ELMO1: variants seen among roughly 807,000 people sequenced by gnomAD.
ELMO1 encodes the protein engulfment and cell motility protein 1.
In ELMO1, 26 loss-of-function variants were observed where a neutral mutation model predicts 98.9. The observed-to-expected ratio is 0.26, with a 90% CI of 0.19 to 0.36. The LOEUF (loss-of-function observed/expected upper bound fraction) is 0.36, where lower values mean the gene tolerates loss of function less well. ELMO1 is among the 10% of genes least tolerant of loss of function. ELMO1 has a pLI of 1.00. For missense variants in ELMO1, 627 were observed against 935.2 expected (o/e 0.67, Z 4.30); for synonymous variants, 346 against 346.0 (o/e 1.00, Z 0.00).
In ELMO1 at chr7:37,050,032, A is replaced by G. The variant is rs1222020973; in HGVS notation, c.1301-36597T>C. ...CGACCTCAGGTGATCTGCCCACTTC[A>G]GCCTCTGAAAGTGCTGGGATTACAG... On this transcript the variant is annotated intron_variant, in intron 15 of 21. Transcript: ENST00000310758. 2.0e-5 allele frequency among the ~76,000 whole-genome samples: 3 copies of G among 152,074 alleles called. No individual in the cohort carries two copies. In the East Asian group the frequency reaches 5.8e-4, roughly 30 times the overall value.
At chr7:37,033,403 G>T (rs575167830) in intron 15 of ELMO1, 1 of 455,400 alleles carries the variant, frequency 2.2e-6, no homozygotes, top group South Asian at 1.6e-5. Flanking sequence ...TTTTTCAGGA[G>T]ATAAGTGATC....
intron 4 of ELMO1, among the ~76,000 whole-genome samples, chr7:37,285,878 A>C (rs750331343): frequency 1.2e-4 from 19 of 152,008 alleles, no homozygotes; most frequent in Non-Finnish European, 2.2e-4. Context: ...AGCCCTTCCC[A>C]CTGCCAGCAG....
intron 16 of ELMO1, among the ~76,000 whole-genome samples, chr7:36,945,466 T>G (rs1475339852): frequency 6.6e-6 from 1 of 152,098 alleles, no homozygotes; most frequent in Non-Finnish European, 1.5e-5. Flanking sequence ...TGACGGGCAT[T>G]TAACTTAGCA....
intron 15 of ELMO1, among the ~76,000 whole-genome samples, chr7:37,061,997 G>A (rs952344910): frequency 6.6e-6 from 1 of 152,280 alleles, no homozygotes. Flanking sequence ...TTCATCCTAT[G>A]AGAAGTGTTC....
chr7:37,123,999 A>T (rs986508247), intron 14 of ELMO1, among the ~76,000 whole-genome samples: 36 of 152,176 alleles, frequency 2.4e-4, no homozygotes, highest in African/African-American at 8.7e-4. Context: ...AAATCCATAA[A>T]CATAATCCAG....
chr7:36,936,437 C>CA (rs1366313368), intron 16 of ELMO1, among the ~76,000 whole-genome samples: 1 of 152,160 alleles, frequency 6.6e-6, no homozygotes, highest in Non-Finnish European at 1.5e-5. Flanking sequence ...AAAGAGCCAA[C>CA]ACATTTTCTT....
At chr7:37,196,407 C>T (rs924946242) in intron 13 of ELMO1, among the ~76,000 whole-genome samples, 2 of 152,160 alleles carry the variant, frequency 1.3e-5, no homozygotes, top group African/African-American at 4.8e-5. Flanking sequence ...AGAAACGTGG[C>T]CTTGCTCCTG....
intron 13 of ELMO1, among the ~76,000 whole-genome samples, chr7:37,207,779 T>C (rs2130385845): frequency 6.6e-6 from 1 of 151,702 alleles, no homozygotes; most frequent in African/African-American, 2.4e-5. Flanking sequence ...CCGTCTCTAC[T>C]AAAAATACAA....
chr7:37,070,054 C>T (rs1797189111), intron 15 of ELMO1, among the ~76,000 whole-genome samples: 1 of 152,118 alleles, frequency 6.6e-6, no homozygotes, highest in South Asian at 2.1e-4. Context: ...TAAGCTGGCT[C>T]CCATCTGGCT....
At position 37,000,938 on chromosome 7, in the gene ELMO1, T is replaced by C. The variant is rs530077535; in HGVS notation, c.1437+12361A>G. On this transcript the variant is annotated intron_variant, in intron 16 of 21. Transcript: ENST00000310758. ...ATACATATATATATGTATATGTGTA[T>C]ACACACACACACACACACACACACA... is the stretch of plus-strand genomic sequence containing the variant. Among the ~76,000 whole-genome samples the C allele has an allele frequency of 4.1e-3, 603 of 147,498 alleles. 4 individuals are homozygous for C. The highest frequency in any genetic ancestry group is 7.2e-3 in the African/African-American group (290 of 40,108).
chr7:36,947,327 T>A (rs930760333), intron 16 of ELMO1, among the ~76,000 whole-genome samples: 2 of 152,228 alleles, frequency 1.3e-5, no homozygotes, highest in African/African-American at 2.4e-5. Context: ...ACTGAGCTCA[T>A]CTCTCCCATA....
At chr7:36,907,812 AC>A (rs1207963935) in intron 16 of ELMO1, among the ~76,000 whole-genome samples, 1 of 152,106 alleles carries the variant, frequency 6.6e-6, no homozygotes, top group Non-Finnish European at 1.5e-5. Flanking sequence ...CTATCACGGC[AC>A]TTCTTTTTTC....
At chr7:37,211,161 T>A (rs1792945911) in intron 13 of ELMO1, 2 of 550,348 alleles carry the variant, frequency 3.6e-6, no homozygotes, top group Non-Finnish European at 6.3e-6. Flanking sequence ...CAGAACTGAA[T>A]AAACAAATGC....
intron 15 of ELMO1, among the ~76,000 whole-genome samples, chr7:37,053,899 G>T (rs1796255288): frequency 6.6e-6 from 1 of 151,950 alleles, no homozygotes; most frequent in Non-Finnish European, 1.5e-5. Flanking sequence ...CTTGATATTT[G>T]TCCCATGGTT....
chr7:36,967,994 A>G (rs1199778011), intron 16 of ELMO1, among the ~76,000 whole-genome samples: 1 of 152,262 alleles, frequency 6.6e-6, no homozygotes, highest in African/African-American at 2.4e-5. Flanking sequence ...ATCTAATTAT[A>G]GAAATATTAC....
intron 16 of ELMO1, among the ~76,000 whole-genome samples, chr7:36,968,578 C>T (rs2129129734): frequency 6.6e-6 from 1 of 152,250 alleles, no homozygotes; most frequent in South Asian, 2.1e-4. Context: ...ATATTTTAAT[C>T]AGCTCTATGT....
At chr7:37,053,944 T>C (rs532488966) in intron 15 of ELMO1, among the ~76,000 whole-genome samples, 57 of 152,326 alleles carry the variant, frequency 3.7e-4, no homozygotes, top group African/African-American at 1.3e-3. Flanking sequence ...TCTTTAATTA[T>C]GAAATAAATA....
chr7:37,178,006 T>C (rs77244354), intron 13 of ELMO1, among the ~76,000 whole-genome samples: 4 of 151,648 alleles, frequency 2.6e-5, no homozygotes, highest in African/African-American at 9.7e-5. Flanking sequence ...TGGTTAATTG[T>C]ACATGTCAAC....
chr7:37,224,636 T>C (rs11978644), intron 9 of ELMO1, among the ~76,000 whole-genome samples: 1,655 of 152,242 alleles, frequency 0.011, 36 homozygotes, highest in African/African-American at 0.038. Context: ...ACTGAGAGCT[T>C]ACCAAGGGCC....
Sources: gnomAD v4.1 joint callset for allele counts (sites outside exome capture counted in the v4.1 genomes callset) on GRCh38, gnomAD v4.1.1 for gene constraint, MANE v1.5 for transcripts, NCBI Gene and HGNC (gene_info 2026-07-23, HGNC 2026-07-21) for gene names.